The following RAB8B variants were observed in gnomAD, a reference collection of about 807,000 sequenced individuals.
The protein encoded by RAB8B is ras-related protein Rab-8B.
RAB8B carries 11 observed loss-of-function variants against 32.0 expected under a neutral mutation model. The ratio of observed to expected loss-of-function variants is 0.34; its 90% CI spans 0.22 to 0.57. The LOEUF (loss-of-function observed/expected upper bound fraction) is 0.57. Ranked by LOEUF, RAB8B falls within the 20% of genes least tolerant of loss-of-function variation. The pLI, the probability that RAB8B is intolerant of heterozygous loss-of-function variation, is 0.86. For synonymous variants in RAB8B, 103 were observed against 89.6 expected, an observed-to-expected ratio of 1.15 and a Z score of -0.85; for missense variants, 190 against 258.5, an observed-to-expected ratio of 0.73 and a Z score of 1.82.
chr15:63,237,448 T>C (rs2037990332), intron 1 of RAB8B, among the ~76,000 whole-genome samples: 1 of 152,222 alleles, frequency 6.6e-6, no homozygotes, highest in South Asian at 2.1e-4. Context: ...TGAGATGATA[T>C]CTCATTGTAG....
At chr15:63,244,838 G>A (rs762445387) in intron 2 of RAB8B, 22 bp downstream of exon 2, 2 of 1,537,192 alleles carry the variant, frequency 1.3e-6, no homozygotes, top group East Asian at 2.3e-5. Flanking sequence ...CACACACAGA[G>A]TTTCTGCTTT....
At chr15:63,257,047 A>G (rs1322547906) in intron 5 of RAB8B, among the ~76,000 whole-genome samples, 6 of 152,158 alleles carry the variant, frequency 3.9e-5, no homozygotes, top group Non-Finnish European at 7.3e-5. Context: ...TTATGGATAA[A>G]TTCCTTGTAA....
In RAB8B at chr15:63,189,717, C is replaced by T. The variant is rs1324740916; in HGVS notation, c.93C>T (p.Asp31=). 6.2e-7 allele frequency: 1 copy of T among 1,613,130 alleles called. No individual in the cohort carries two copies. Among genetic ancestry groups the T allele is most frequent in the Non-Finnish European group, 8.5e-7 (1 of 1,179,684 alleles). Residue 31 remains aspartate, a synonymous_variant, in exon 1 of 8, where the codon GAC becomes GAT. Coordinates refer to ENST00000321437, the MANE Select transcript of RAB8B (RefSeq NM_016530.3). ...GCCTCCTGTTCCGCTTCTCAGAGGA[C>T]GCCTTCAACACCACCTTCATCTCCA... ...KTCLLFRFSE[D]AFNTTFISTI...
intron 1 of RAB8B, among the ~76,000 whole-genome samples, chr15:63,219,973 G>A (rs914752364): frequency 3.9e-5 from 6 of 152,302 alleles, no homozygotes; most frequent in African/African-American, 7.2e-5. Flanking sequence ...CCCACACAAC[G>A]TAGAGACATC....
At chr15:63,239,063 G>A (rs1308778853) in intron 1 of RAB8B, among the ~76,000 whole-genome samples, 1 of 152,168 alleles carries the variant, frequency 6.6e-6, no homozygotes, top group Non-Finnish European at 1.5e-5. Flanking sequence ...AACCCAGGGA[G>A]GTGCAGAGAA....
chr15:63,215,418 A>G (rs974067631), intron 1 of RAB8B, among the ~76,000 whole-genome samples: 1 of 152,246 alleles, frequency 6.6e-6, no homozygotes, highest in African/African-American at 2.4e-5. Flanking sequence ...TGTAAAGAGT[A>G]GGAAGTAATT....
chr15:63,212,670 T>A (rs1224000080), intron 1 of RAB8B, among the ~76,000 whole-genome samples: 1 of 152,210 alleles, frequency 6.6e-6, no homozygotes, highest in Non-Finnish European at 1.5e-5. Context: ...AAAATTTTTG[T>A]ACGTGATGAG....
intron 1 of RAB8B, among the ~76,000 whole-genome samples, chr15:63,193,655 C>T (rs749151913): frequency 6.6e-6 from 1 of 151,872 alleles, no homozygotes. Flanking sequence ...CTAAAAAATA[C>T]AAAAAATTAG....
chr15:63,230,967 G>T (rs2037931993), intron 1 of RAB8B, among the ~76,000 whole-genome samples: 1 of 152,124 alleles, frequency 6.6e-6, no homozygotes, highest in Non-Finnish European at 1.5e-5. Flanking sequence ...TAGTAATTTG[G>T]TAAAGACCCT....
chr15:63,203,262 GA>G, intron 1 of RAB8B, among the ~76,000 whole-genome samples: 1 of 152,270 alleles, frequency 6.6e-6, no homozygotes, highest in Admixed American at 6.5e-5. Context: ...TGACAAAATG[GA>G]AAAAGTAGAC....
chr15:63,216,628 C>A (rs1297159551), intron 1 of RAB8B, among the ~76,000 whole-genome samples: 1 of 151,362 alleles, frequency 6.6e-6, no homozygotes, highest in Non-Finnish European at 1.5e-5. Flanking sequence ...TTTGGGAGGC[C>A]AAGGCGGGCA....
At chr15:63,237,513 T>C (rs1002849569) in intron 1 of RAB8B, among the ~76,000 whole-genome samples, 2 of 152,244 alleles carry the variant, frequency 1.3e-5, no homozygotes, top group African/African-American at 4.8e-5. Context: ...TTCATGTATC[T>C]GTTTGCCATT....
chr15:63,260,914 T>G (rs902936287), intron 6 of RAB8B, among the ~76,000 whole-genome samples: 1 of 152,204 alleles, frequency 6.6e-6, no homozygotes, highest in Non-Finnish European at 1.5e-5. Flanking sequence ...TATTAGCCAG[T>G]GGACACTGAT....
intron 1 of RAB8B, among the ~76,000 whole-genome samples, chr15:63,193,244 GTAAA>G (rs927090003): frequency 1.3e-5 from 2 of 151,730 alleles, no homozygotes; most frequent in African/African-American, 4.8e-5. Context: ...AAATAGATAA[GTAAA>G]TAAATAAGGT....
At chr15:63,211,061 T>A (rs2037743140) in intron 1 of RAB8B, among the ~76,000 whole-genome samples, 2 of 152,214 alleles carry the variant, frequency 1.3e-5, no homozygotes, top group African/African-American at 4.8e-5. Context: ...TATCAAAAGA[T>A]AAACAGCAGG....
chr15:63,239,172 G>A (rs2038009883), intron 1 of RAB8B, among the ~76,000 whole-genome samples: 1 of 151,930 alleles, frequency 6.6e-6, no homozygotes, highest in Non-Finnish European at 1.5e-5. Context: ...TTTGATTTGG[G>A]GTTTCTGCTA....
chr15:63,190,851 G>A (rs1343168362), intron 1 of RAB8B, among the ~76,000 whole-genome samples: 1 of 152,146 alleles, frequency 6.6e-6, no homozygotes, highest in East Asian at 1.9e-4. Context: ...TTTTGCTTTG[G>A]TTCTAATTAT....
chr15:63,214,401 C>T lies in RAB8B; in HGVS notation c.124+24653C>T, dbSNP rs541240320. 2.4e-3 allele frequency among the ~76,000 whole-genome samples: 355 copies of T among 148,526 alleles called. 3 individuals carry two copies. Among genetic ancestry groups the T allele is most frequent in the African/African-American group, 8.5e-3 (345 of 40,536 alleles). On this transcript the variant is annotated intron_variant, in intron 1 of 7. Transcript: ENST00000321437. ...CCGCCTCCCAGGTTGCAGCGATTCTCCTGCCTCAGCCTCCCGGGTAGCTGG... is the reference window on the plus strand; with the variant it reads ...CCGCCTCCCAGGTTGCAGCGATTCTTCTGCCTCAGCCTCCCGGGTAGCTGG...
In RAB8B at chr15:63,259,705, C is replaced by G; in HGVS notation, c.480+13C>G. The G allele has an allele frequency of 6.2e-7, 1 of 1,611,100 alleles. No homozygotes were observed. Among genetic ancestry groups the G allele is most frequent in the South Asian group, 1.1e-5 (1 of 91,012 alleles). On this transcript the variant is annotated intron_variant, in intron 6 of 7. Transcript: ENST00000321437. The surrounding 1 kb of genome is among the most constrained non-coding windows in gnomAD (Gnocchi z 4.4). ...AAATGTAGAAGAGGTAAGAAGGAAA[C>G]GTTTGGTGACTGTTACGGAGCAGCA...
Sources: gnomAD v4.1 joint callset for allele counts (sites outside exome capture counted in the v4.1 genomes callset) on GRCh38, gnomAD v4.1.1 for gene constraint, Gnocchi (gnomAD v3.1) non-coding constraint, MANE v1.5 for transcripts, NCBI Gene and HGNC (gene_info 2026-07-23, HGNC 2026-07-21) for gene names.